The following CCNB1 variants were observed in gnomAD, a reference collection of about 807,000 sequenced individuals.
The protein encoded by CCNB1 is G2/mitotic-specific cyclin-B1.
In CCNB1, 26 loss-of-function variants were observed where a neutral mutation model predicts 44.4. The observed-to-expected ratio is 0.59, with a 90% CI of 0.43 to 0.81. The LOEUF (loss-of-function observed/expected upper bound fraction) is 0.81. CCNB1 is among the 40% of genes least tolerant of loss of function. The pLI is 0.00. For synonymous variants in CCNB1, 195 were observed against 181.4 expected, an observed-to-expected ratio of 1.08 and a Z score of -0.60; for missense variants, 477 against 520.9, an observed-to-expected ratio of 0.92 and a Z score of 0.82.
In CCNB1 at chr5:69,171,269, G is replaced by A. The variant is rs761712838; in HGVS notation, c.364-1G>A. On this transcript the variant is annotated splice_acceptor_variant, in intron 3 of 8. Transcript: ENST00000256442. LOFTEE classifies it high-confidence loss of function. ...ATTTCAAGATATCTCTTTGTTTCAA[G>A]GTTGATACTGCCTCTCCAAGCCCAA... The A allele has an allele frequency of 6.2e-7, 1 of 1,603,966 alleles. No homozygotes were observed. The highest frequency in any genetic ancestry group is 1.1e-5 in the South Asian group (1 of 88,872).
At chr5:69,172,392 G>T (rs562904833) in intron 4 of CCNB1, among the ~76,000 whole-genome samples, 50 of 152,188 alleles carry the variant, frequency 3.3e-4, no homozygotes, top group African/African-American at 1.1e-3. Context: ...GAGCAGCTGG[G>T]ATTACAGGTG....
intron 3 of CCNB1, among the ~76,000 whole-genome samples, chr5:69,168,668 C>T (rs1207626194): frequency 1.3e-5 from 2 of 152,172 alleles, no homozygotes; most frequent in African/African-American, 4.8e-5. Context: ...GTCTTATATT[C>T]CTTCGTTAAT....
intron 4 of CCNB1, among the ~76,000 whole-genome samples, chr5:69,173,425 A>C (rs1350018542): frequency 6.6e-6 from 1 of 152,196 alleles, no homozygotes; most frequent in Non-Finnish European, 1.5e-5. Flanking sequence ...TTTGGAGGAA[A>C]GGCCAAACTT....
chr5:69,171,509 T>G (rs968378610), intron 4 of CCNB1, 57 bp downstream of exon 4: 13 of 1,267,012 alleles, frequency 1.0e-5, no homozygotes, highest in Non-Finnish European at 4.4e-6. Flanking sequence ...GAAAGTATTT[T>G]CCATCAATAG....
rs1246757065 is a variant in CCNB1, at chr5:69,167,972, C to T, written c.86C>T (p.Thr29Met). Residue 29 changes from threonine to methionine, a missense_variant, in exon 2 of 9, where the codon ACG becomes ATG. By Grantham distance (81) the Thr-to-Met change is moderately conservative (BLOSUM62 -1). Coordinates refer to ENST00000256442, the MANE Select transcript of CCNB1 (RefSeq NM_031966.4). ...ATGGCAGGCGCAAAGCGCGTTCCTA[C>T]GGCCCCTGCTGCAACCTCCAAGCCC... Reference protein sequence around the residue: ...INMAGAKRVPTAPAATSKPGL... With the variant: ...INMAGAKRVPMAPAATSKPGL... The T allele has an allele frequency of 1.9e-6, 3 of 1,614,080 alleles. No homozygotes were observed. The highest frequency in any genetic ancestry group is 1.7e-6 in the Non-Finnish European group (2 of 1,180,000).
chr5:69,167,323 GCTGCTGC>G (rs1747355753), intron 1 of CCNB1, 40 bp downstream of exon 1: 4 of 1,600,994 alleles, frequency 2.5e-6, no homozygotes, highest in African/African-American at 1.3e-5. Flanking sequence ...GGCCTTCTTA[GCTGCTGC>G]CTGCTCTCCC....
intron 5 of CCNB1, 104 bp downstream of exon 5, chr5:69,174,513 C>A: frequency 1.9e-6 from 2 of 1,063,866 alleles, no homozygotes; most frequent in Non-Finnish European, 2.8e-6. Context: ...CCTGTAATCC[C>A]AGCGGGCGGG....
intron 7 of CCNB1, among the ~76,000 whole-genome samples, chr5:69,176,852 G>A (rs183965273): frequency 0.017 from 2,625 of 151,830 alleles, 77 homozygotes; most frequent in Admixed American, 0.093. Flanking sequence ...GGCAGTGCGC[G>A]CCTGTAATCC....
chr5:69,171,140 C>T (rs1561313273), intron 3 of CCNB1, 130 bp from the exon 4 acceptor site: 2 of 618,354 alleles, frequency 3.2e-6, no homozygotes, highest in Admixed American at 3.4e-5. Flanking sequence ...GATACTTTTC[C>T]TTTAAGGAAA....
chr5:69,175,982 A>AATATATATATATATATATATATATAT lies in CCNB1; in HGVS notation c.1083+453_1083+478dup, dbSNP rs68140968. Among the ~76,000 whole-genome samples, 33 of 116,378 alleles carry AATATATATATATATATATATATATAT rather than the reference A, an allele frequency of 2.8e-4. 1 individual carries two copies. Among genetic ancestry groups the AATATATATATATATATATATATATAT allele is most frequent in the African/African-American group, 8.9e-4 (26 of 29,260 alleles). 76.3% of individuals were successfully genotyped at this position (116,378 alleles called of 152,430 possible). On this transcript the variant is annotated intron_variant, in intron 7 of 8. Transcript: ENST00000256442. ...CCTCATCTTTACAAAAAATATATAA[A>AATATATATATATATATATATATATAT]ATATATATATATATATATATATATA...
At chr5:69,168,462 A>G (rs1747389839) in intron 3 of CCNB1, 119 bp downstream of exon 3, 4 of 1,188,256 alleles carry the variant, frequency 3.4e-6, no homozygotes, top group Middle Eastern at 2.7e-4. Context: ...AGTGCTTAGC[A>G]TGAGGCAAGC....
At chr5:69,167,476 A>G (rs1324685587) in intron 1 of CCNB1, 193 bp downstream of exon 1, 1 of 591,318 alleles carries the variant, frequency 1.7e-6, no homozygotes, top group African/African-American at 1.9e-5. Flanking sequence ...CGATGGATGG[A>G]GGGAGGAAGG....
intron 7 of CCNB1, among the ~76,000 whole-genome samples, chr5:69,176,480 C>T (rs1006336630): frequency 7.9e-5 from 12 of 151,432 alleles, no homozygotes; most frequent in Non-Finnish European, 1.2e-4. Flanking sequence ...CCTCAGCCTC[C>T]CGAGTAGCTG....
At chr5:69,172,015 A>G (rs998459959) in intron 4 of CCNB1, among the ~76,000 whole-genome samples, 4 of 152,122 alleles carry the variant, frequency 2.6e-5, no homozygotes, top group African/African-American at 4.8e-5. Flanking sequence ...AGCACTCTTT[A>G]TGGCAGCATA....
At position 69,175,510 on chromosome 5, in the gene CCNB1, A is replaced by G; in HGVS notation, c.1056A>G (p.Ala352=). Residue 352 remains alanine (A), a synonymous_variant, in exon 7 of 9, where the codon GCA becomes GCG. Transcript: ENST00000256442. ...SQIAAGAFCL[A]LKILDNGEWT... is the part of the protein sequence containing the mutation. ...TTGCAGCAGGAGCTTTTTGCTTAGC[A>G]CTGAAAATTCTGGATAATGGTGAAT... The G allele has an allele frequency of 1.2e-6, 2 of 1,614,154 alleles. No individual in the cohort carries two copies. Among genetic ancestry groups the G allele is most frequent in the Non-Finnish European group, 8.5e-7 (1 of 1,180,000 alleles).
intron 4 of CCNB1, among the ~76,000 whole-genome samples, chr5:69,172,062 C>T (rs7734513): frequency 0.17 from 25,120 of 152,014 alleles, 2,365 homozygotes; most frequent in African/African-American, 0.25. Context: ...ACCACATTTA[C>T]GTAGTTTTTT....
intron 3 of CCNB1, among the ~76,000 whole-genome samples, chr5:69,168,998 T>G (rs2112046772): frequency 6.6e-6 from 1 of 152,324 alleles, no homozygotes; most frequent in East Asian, 1.9e-4. Context: ...GGAGGCTGCT[T>G]TGATGAAATT....
At position 69,178,015 on chromosome 5, in the gene CCNB1, A is replaced by G. The variant is rs1420241368; in HGVS notation, c.*384A>G. 6.3e-6 allele frequency: 1 copy of G among 157,590 alleles called. No homozygotes were observed. The allele number at this position is 157,590 out of a possible 1,614,324, so 9.8% of individuals were successfully genotyped here. A position where few individuals can be genotyped will look rare whatever the true frequency, so the allele number is the denominator to read the frequency against. ...CCAAGTCATGGAGAATCTGCTGCATAGCTCTATTTTAAAGTAAAAGTCTAC... is the reference window on the plus strand; with the variant it reads ...CCAAGTCATGGAGAATCTGCTGCATGGCTCTATTTTAAAGTAAAAGTCTAC... On this transcript the variant is annotated 3_prime_UTR_variant, in exon 9 of 9. Transcript: ENST00000256442.
chr5:69,172,584 T>C (rs1239106299), intron 4 of CCNB1, among the ~76,000 whole-genome samples: 2 of 151,986 alleles, frequency 1.3e-5, no homozygotes, highest in East Asian at 1.9e-4. Flanking sequence ...TGTTGTCTTA[T>C]GTCATCACTG....
Sources: allele counts gnomAD v4.1 joint callset (sites outside exome capture counted in the v4.1 genomes callset), GRCh38; gene constraint gnomAD v4.1.1; transcripts MANE v1.5; gene names NCBI Gene and HGNC (gene_info 2026-07-23, HGNC 2026-07-21).